Variants in RHPN1 observed in about 807,000 individuals in gnomAD.
RHPN1 encodes the protein rhophilin-1.
A neutral mutation model predicts 74.7 loss-of-function variants in RHPN1; 77 were observed. The observed-to-expected ratio is 1.03, with a 90% CI of 0.86 to 1.25. The LOEUF (loss-of-function observed/expected upper bound fraction) is 1.25. Ranked by LOEUF, RHPN1 falls within the 50% of genes most tolerant of loss-of-function variation. The probability of loss-of-function intolerance (pLI) is 0.00; values close to 1 mark genes in which losing one functional copy is unlikely to be tolerated. For synonymous variants in RHPN1, 444 were observed against 414.5 expected, an observed-to-expected ratio of 1.07 and a Z score of -0.87; for missense variants, 987 against 932.2, an observed-to-expected ratio of 1.06 and a Z score of -0.77.
At chr8:143,372,331 G>A (rs1015031883) in intron 1 of RHPN1, among the ~76,000 whole-genome samples, 1 of 152,114 alleles carries the variant, frequency 6.6e-6, no homozygotes, top group African/African-American at 2.4e-5. Context: ...CGGGCCTCAG[G>A]TTCAGGGAGC....
At chr8:143,376,057 G>A (rs1026144473) in intron 2 of RHPN1, among the ~76,000 whole-genome samples, 2 of 152,234 alleles carry the variant, frequency 1.3e-5, no homozygotes, top group Admixed American at 6.5e-5. Flanking sequence ...CACACCGCCT[G>A]TGTGCCACAC....
Sources: gnomAD v4.1 joint callset for allele counts (sites outside exome capture counted in the v4.1 genomes callset) on GRCh38, gnomAD v4.1.1 for gene constraint, MANE v1.5 for transcripts, NCBI Gene and HGNC (gene_info 2026-07-23, HGNC 2026-07-21) for gene names.